SPOCK3: variants seen among roughly 807,000 people sequenced by gnomAD.
SPOCK3 encodes the protein testican-3.
Under a neutral mutation model 56.6 loss-of-function variants are expected in SPOCK3, and 30 were observed. The observed-to-expected ratio is 0.53, with a 90% CI of 0.40 to 0.72. The LOEUF is 0.72. Ranked by LOEUF, SPOCK3 falls within the 30% of genes least tolerant of loss-of-function variation. The pLI is 0.00. For synonymous variants in SPOCK3, 196 were observed against 183.3 expected, an observed-to-expected ratio of 1.07 and a Z score of -0.56; for missense variants, 527 against 530.0, an observed-to-expected ratio of 0.99 and a Z score of 0.06.
At chr4:167,220,285 A>C (rs949469258) in intron 2 of SPOCK3, among the ~76,000 whole-genome samples, 1 of 152,150 alleles carries the variant, frequency 6.6e-6, no homozygotes, top group East Asian at 1.9e-4. Flanking sequence ...GTGGTGGCAC[A>C]ACTGTAGAAA....
chr4:167,203,642 G>A (rs1580607926), intron 2 of SPOCK3, among the ~76,000 whole-genome samples: 1 of 151,688 alleles, frequency 6.6e-6, no homozygotes, highest in African/African-American at 2.4e-5. Context: ...GGAATGTAAT[G>A]CCTTGAAGCT....
chr4:167,047,351 T>A (rs189643071), intron 3 of SPOCK3, among the ~76,000 whole-genome samples: 6 of 152,306 alleles, frequency 3.9e-5, no homozygotes, highest in Non-Finnish European at 8.8e-5. Flanking sequence ...ACTATTTTGC[T>A]TTTGACTGAA....
chr4:166,999,343 T>G (rs1044606070), intron 4 of SPOCK3, among the ~76,000 whole-genome samples: 4 of 152,182 alleles, frequency 2.6e-5, no homozygotes, highest in Non-Finnish European at 5.9e-5. Flanking sequence ...AACAGGGTGT[T>G]ATGTATATGT....
At chr4:166,802,563 A>G (rs1315194836) in intron 6 of SPOCK3, among the ~76,000 whole-genome samples, 2 of 151,980 alleles carry the variant, frequency 1.3e-5, no homozygotes, top group South Asian at 2.1e-4. Flanking sequence ...GGCCTCCTTT[A>G]TAAGGGTACT....
intron 4 of SPOCK3, among the ~76,000 whole-genome samples, chr4:166,955,603 C>A (rs13124769): frequency 4.8e-4 from 64 of 133,812 alleles, no homozygotes; most frequent in Non-Finnish European, 6.0e-4. Flanking sequence ...TTAATATAAT[C>A]AAATTAGATT....
At chr4:167,024,667 G>A (rs1751527166) in intron 3 of SPOCK3, among the ~76,000 whole-genome samples, 1 of 151,962 alleles carries the variant, frequency 6.6e-6, no homozygotes, top group African/African-American at 2.4e-5. Context: ...AAAGACATGA[G>A]AATAATACAA....
intron 3 of SPOCK3, among the ~76,000 whole-genome samples, chr4:167,020,895 A>G (rs1751104317): frequency 6.6e-6 from 1 of 152,098 alleles, no homozygotes; most frequent in Non-Finnish European, 1.5e-5. Context: ...GTTGAAGAAG[A>G]TGGGTGGAGT....
At chr4:166,952,657 G>A (rs1027615068) in intron 4 of SPOCK3, among the ~76,000 whole-genome samples, 10 of 152,082 alleles carry the variant, frequency 6.6e-5, no homozygotes, top group African/African-American at 2.4e-4. Context: ...CAAAGCTGGA[G>A]GCATCACACT....
chr4:167,181,993 T>A (rs1240820557), intron 2 of SPOCK3, among the ~76,000 whole-genome samples: 1 of 152,138 alleles, frequency 6.6e-6, no homozygotes, highest in African/African-American at 2.4e-5. Context: ...AGATGCCCAA[T>A]ATGATGCTAT....
At chr4:167,135,795 T>C (rs1484614091) in intron 2 of SPOCK3, among the ~76,000 whole-genome samples, 1 of 151,916 alleles carries the variant, frequency 6.6e-6, no homozygotes, top group African/African-American at 2.4e-5. Context: ...AAAGCACTTG[T>C]CAATGGAATG....
chr4:167,102,613 C>G (rs978556008), intron 2 of SPOCK3: 39 of 152,338 alleles, frequency 2.6e-4, no homozygotes, highest in Admixed American at 7.2e-4. Context: ...GAACTCATTG[C>G]CCTGAACTCA....
chr4:167,002,224 G>T (rs1409907916), intron 3 of SPOCK3, among the ~76,000 whole-genome samples: 1 of 152,150 alleles, frequency 6.6e-6, no homozygotes, highest in Non-Finnish European at 1.5e-5. Flanking sequence ...CTCCCAAGGT[G>T]CTGGGATTAC....
intron 4 of SPOCK3, among the ~76,000 whole-genome samples, chr4:166,966,308 T>C (rs910722342): frequency 1.3e-5 from 2 of 151,826 alleles, no homozygotes; most frequent in African/African-American, 4.8e-5. Flanking sequence ...ATTGAAAATA[T>C]ATGCTCCAAA....
At chr4:167,219,471 T>TA (rs1735688963) in intron 2 of SPOCK3, among the ~76,000 whole-genome samples, 2 of 152,186 alleles carry the variant, frequency 1.3e-5, no homozygotes, top group African/African-American at 4.8e-5. Flanking sequence ...AGGAGGTATA[T>TA]CTAATGTTTT....
intron 7 of SPOCK3, among the ~76,000 whole-genome samples, chr4:166,768,429 T>G (rs1287766622): frequency 1.3e-5 from 2 of 152,204 alleles, no homozygotes; most frequent in Admixed American, 1.3e-4. Context: ...AAGGATTTTA[T>G]TTCTCCTTCA....
intron 4 of SPOCK3, among the ~76,000 whole-genome samples, chr4:166,969,512 C>G (rs1745136576): frequency 1.1e-5 from 1 of 94,948 alleles, no homozygotes. Flanking sequence ...ACTTTTAACA[C>G]ATTAAATGTG....
chr4:167,231,239 A>T (rs1737148763), intron 2 of SPOCK3, among the ~76,000 whole-genome samples: 1 of 152,068 alleles, frequency 6.6e-6, no homozygotes. Flanking sequence ...ATGTATTTCA[A>T]AAGAAAGAAC....
chr4:166,940,059 A>G (rs980184162), intron 4 of SPOCK3, among the ~76,000 whole-genome samples: 6 of 152,200 alleles, frequency 3.9e-5, no homozygotes, highest in African/African-American at 1.2e-4. Context: ...AATAAAATAC[A>G]TGGGGAAAAT....
At chr4:167,022,811 G>C (rs1284871092) in intron 3 of SPOCK3, among the ~76,000 whole-genome samples, 2 of 151,966 alleles carry the variant, frequency 1.3e-5, no homozygotes, top group Non-Finnish European at 2.9e-5. Context: ...GCTGGTTATG[G>C]ACATGGGAAG....
Sources: gnomAD v4.1 joint callset for allele counts (sites outside exome capture counted in the v4.1 genomes callset) on GRCh38, gnomAD v4.1.1 for gene constraint, MANE v1.5 for transcripts, NCBI Gene and HGNC (gene_info 2026-07-23, HGNC 2026-07-21) for gene names.